DNAAF4: variants seen among roughly 807,000 people sequenced by gnomAD.
The protein encoded by DNAAF4 is dynein axonemal assembly factor 4.
A neutral mutation model predicts 51.8 loss-of-function variants in DNAAF4; 43 were observed. The ratio of observed to expected loss-of-function variants is 0.83; its 90% CI spans 0.65 to 1.07. The LOEUF (loss-of-function observed/expected upper bound fraction) is 1.07, where lower values mean the gene tolerates loss of function less well. Among genes scored for constraint, DNAAF4 ranks in the 50% least tolerant of loss-of-function variants. DNAAF4 has a pLI of 0.00. For synonymous variants in DNAAF4, 194 were observed against 165.6 expected, an observed-to-expected ratio of 1.17 and a Z score of -1.32; for missense variants, 581 against 493.0, an observed-to-expected ratio of 1.18 and a Z score of -1.69.
At chr15:55,475,319 C>G (rs922981312) in intron 4 of DNAAF4, among the ~76,000 whole-genome samples, 3 of 152,110 alleles carry the variant, frequency 2.0e-5, no homozygotes, top group South Asian at 4.1e-4. Context: ...ACAACCATTT[C>G]AGGGGACTGG....
intron 4 of DNAAF4, among the ~76,000 whole-genome samples, chr15:55,481,204 G>C (rs2058405253): frequency 6.6e-6 from 1 of 152,124 alleles, no homozygotes; most frequent in Admixed American, 6.6e-5. Flanking sequence ...ACAGGGACTG[G>C]ATCTCCTAAC....
At chr15:55,492,532 T>C (rs546764098) in intron 3 of DNAAF4, among the ~76,000 whole-genome samples, 5 of 149,760 alleles carry the variant, frequency 3.3e-5, no homozygotes, top group African/African-American at 1.0e-4. Context: ...CATTAAGAAA[T>C]AAAATTGTGA....
chr15:55,501,488 G>C (rs1280715474), intron 1 of DNAAF4, among the ~76,000 whole-genome samples: 2 of 149,232 alleles, frequency 1.3e-5, no homozygotes, highest in African/African-American at 4.9e-5. Flanking sequence ...CCATTCTCCT[G>C]CCTCAGCCTC....
In DNAAF4 at chr15:55,432,620, A is replaced by G. The variant is rs776018968; in HGVS notation, c.1048-18T>C. The stretch of plus-strand genomic sequence containing the variant: ...TCCAGTGCCTTACAAAATATATATA[A>G]TTATTACAAGAAAGTTATAGTTTCT... On this transcript the variant is annotated intron_variant, in intron 8 of 9. Transcript: ENST00000321149. 2.5e-6 allele frequency: 4 copies of G among 1,581,966 alleles called. No homozygotes were observed. In the Admixed American group the frequency reaches 5.1e-5, roughly 20 times the overall value.
intron 6 of DNAAF4, chr15:55,443,121 T>A: frequency 6.2e-7 from 1 of 1,610,664 alleles, no homozygotes; most frequent in Non-Finnish European, 8.5e-7. Context: ...TACGTTTATA[T>A]GAAGGCAAAC....
intron 7 of DNAAF4, chr15:55,418,831 T>C: frequency 6.6e-6 from 2 of 300,810 alleles, no homozygotes; most frequent in South Asian, 1.5e-4. Flanking sequence ...TATTTACTTA[T>C]CTATTGAGTA....
intron 5 of DNAAF4, among the ~76,000 whole-genome samples, chr15:55,457,950 A>G (rs2058043687): frequency 6.6e-6 from 1 of 152,204 alleles, no homozygotes; most frequent in Non-Finnish European, 1.5e-5. Context: ...CAATCACTGC[A>G]GTCTGGCTCT....
At chr15:55,448,500 CA>C (rs1172391709) in intron 6 of DNAAF4, among the ~76,000 whole-genome samples, 4 of 61,706 alleles carry the variant, frequency 6.5e-5, no homozygotes, top group Non-Finnish European at 1.1e-4. Context: ...ACCCCCAACT[CA>C]AAAAAAAAAA....
chr15:55,501,864 G>A (rs1403715875), intron 1 of DNAAF4, among the ~76,000 whole-genome samples: 1 of 151,730 alleles, frequency 6.6e-6, no homozygotes, highest in African/African-American at 2.4e-5. Flanking sequence ...CCAACATGGT[G>A]AAACCCCATC....
rs879351208 is a variant in DNAAF4, at chr15:55,473,187, T to TAAA, written c.406-6029_406-6027dup. On this transcript the variant is annotated intron_variant, in intron 4 of 9. Transcript: ENST00000321149. ...CCTCAAAACAAACAAAAAAAAAACCTAAAAAAAAAAAATATATATATATAT... is the reference window on the plus strand; with the variant it reads ...CCTCAAAACAAACAAAAAAAAAACCTAAAAAAAAAAAAAAATATATATATATAT... Among the ~76,000 whole-genome samples the TAAA allele has an allele frequency of 4.1e-3, 112 of 27,526 alleles. 12 individuals are homozygous for TAAA. Among genetic ancestry groups the TAAA allele is most frequent in the African/African-American group, 0.014 (89 of 6,204 alleles). The allele number at this position is 27,526 out of a possible 152,430, so 18.1% of individuals were successfully genotyped here.
chr15:55,489,993 C>T (rs2058548515), intron 4 of DNAAF4, among the ~76,000 whole-genome samples: 1 of 151,600 alleles, frequency 6.6e-6, no homozygotes, highest in Non-Finnish European at 1.5e-5. Flanking sequence ...CCTGCCTCAG[C>T]CTACCGAGTA....
chr15:55,426,412 A>T (rs1381178588), downstream of DNAAF4, among the ~76,000 whole-genome samples: 1 of 152,176 alleles, frequency 6.6e-6, no homozygotes, highest in African/African-American at 2.4e-5. Flanking sequence ...TTCCAACTAT[A>T]ATCTATAAAC....
chr15:55,449,283 C>T (rs1442460160), intron 6 of DNAAF4, among the ~76,000 whole-genome samples: 1 of 151,572 alleles, frequency 6.6e-6, no homozygotes, highest in Non-Finnish European at 1.5e-5. Flanking sequence ...AGCCACCACG[C>T]CCGGCTTGTC....
intron 4 of DNAAF4, among the ~76,000 whole-genome samples, chr15:55,485,814 G>A (rs1401430732): frequency 1.3e-5 from 2 of 151,930 alleles, no homozygotes; most frequent in Non-Finnish European, 2.9e-5. Flanking sequence ...CTAACACGGT[G>A]AAACCCCATC....
intron 1 of DNAAF4, among the ~76,000 whole-genome samples, chr15:55,503,423 T>C (rs2141613159): frequency 6.6e-6 from 1 of 152,312 alleles, no homozygotes; most frequent in Admixed American, 6.5e-5. Context: ...CAACTCATTT[T>C]ATGAGCCAGC....
intron 3 of DNAAF4, among the ~76,000 whole-genome samples, chr15:55,495,953 G>T (rs77530536): frequency 5.1e-4 from 77 of 152,260 alleles, no homozygotes; most frequent in African/African-American, 1.8e-3. Flanking sequence ...CAGGCCGGTC[G>T]CGGTGGCTCA....
chr15:55,488,147 G>A (rs564436645), intron 4 of DNAAF4, among the ~76,000 whole-genome samples: 9 of 150,000 alleles, frequency 6.0e-5, no homozygotes, highest in African/African-American at 1.7e-4. Context: ...GCGTAAGAGC[G>A]CAGCAAGAAG....
At chr15:55,443,216 A>T in intron 6 of DNAAF4, 1 of 1,609,442 alleles carries the variant, frequency 6.2e-7, no homozygotes, top group South Asian at 1.1e-5. Flanking sequence ...TTGGGGACAG[A>T]ATAGTCCTTA....
At position 55,451,096 on chromosome 15, in the gene DNAAF4, CAACA is replaced by C. The variant is rs1376075577; in HGVS notation, c.638-733_638-730del. On this transcript the variant is annotated intron_variant, in intron 5 of 9. Transcript: ENST00000321149. ...GGGCAACAGAGTGAGACTCCGTCTC[CAACA>C]AACAAACAAACGAAAACTAGGAAAG... 1.1e-4 allele frequency among the ~76,000 whole-genome samples: 16 copies of C among 152,088 alleles called. No homozygotes were observed. The East Asian group carries it at 2.9e-3, about 28-fold the overall frequency.
Sources: gnomAD v4.1 joint callset for allele counts (sites outside exome capture counted in the v4.1 genomes callset) on GRCh38, gnomAD v4.1.1 for gene constraint, MANE v1.5 for transcripts, NCBI Gene and HGNC (gene_info 2026-07-23, HGNC 2026-07-21) for gene names.